Variants in ELMO1 observed in about 807,000 individuals in gnomAD.
ELMO1 encodes engulfment and cell motility protein 1.
ELMO1 carries 26 observed loss-of-function variants against 98.9 expected under a neutral mutation model. The ratio of observed to expected loss-of-function variants is 0.26; its 90% CI spans 0.19 to 0.36. The LOEUF (loss-of-function observed/expected upper bound fraction) is 0.36. ELMO1 is among the 10% of genes least tolerant of loss of function. The pLI is 1.00. For missense variants in ELMO1, 627 were observed against 935.2 expected, an observed-to-expected ratio of 0.67 and a Z score of 4.30; for synonymous variants, 346 against 346.0, an observed-to-expected ratio of 1.00 and a Z score of 0.00.
chr7:36,970,717 C>G lies in ELMO1; in HGVS notation c.1437+42582G>C, dbSNP rs1458286852. On this transcript the variant is annotated intron_variant, in intron 16 of 21. Transcript: ENST00000310758. ...CTCTTCTGAAATAAGAGCACAATAGCTTCCTGTCTTCTCTTTTCCTCAATG... is the reference window on the plus strand; with the variant it reads ...CTCTTCTGAAATAAGAGCACAATAGGTTCCTGTCTTCTCTTTTCCTCAATG... 2.0e-5 allele frequency among the ~76,000 whole-genome samples: 3 copies of G among 152,202 alleles called. No homozygotes were observed. The East Asian group carries it at 5.8e-4, about 29-fold the overall frequency.
intron 1 of ELMO1, among the ~76,000 whole-genome samples, chr7:37,386,455 C>T (rs1190620918): frequency 6.6e-6 from 1 of 151,940 alleles, no homozygotes; most frequent in Non-Finnish European, 1.5e-5. Flanking sequence ...ACAGAGCCTC[C>T]CACAGACCCT....
intron 13 of ELMO1, among the ~76,000 whole-genome samples, chr7:37,152,303 G>A (rs1335132930): frequency 3.3e-5 from 5 of 152,220 alleles, no homozygotes; most frequent in Middle Eastern, 3.4e-3. Flanking sequence ...CCTGGCCCAC[G>A]AACGCTGCCC....
intron 15 of ELMO1, among the ~76,000 whole-genome samples, chr7:37,028,349 T>C (rs1794694383): frequency 6.6e-6 from 1 of 152,218 alleles, no homozygotes; most frequent in Admixed American, 6.5e-5. Context: ...CACTTCTTTT[T>C]TCCTCCGACC....
intron 15 of ELMO1, among the ~76,000 whole-genome samples, chr7:37,019,821 AG>A (rs1315162408): frequency 6.6e-6 from 1 of 152,256 alleles, no homozygotes; most frequent in Non-Finnish European, 1.5e-5. Flanking sequence ...TGGTTTTTTA[AG>A]TCTGGAATAT....
chr7:37,216,748 C>A (rs1331675081), intron 10 of ELMO1, 53 bp from the exon 11 acceptor site: 1 of 1,602,734 alleles, frequency 6.2e-7, no homozygotes, highest in Non-Finnish European at 8.5e-7. Flanking sequence ...AGCTACATTT[C>A]GACATGGCCA....
At chr7:37,204,676 G>A (rs536653064) in intron 13 of ELMO1, among the ~76,000 whole-genome samples, 13 of 152,314 alleles carry the variant, frequency 8.5e-5, no homozygotes, top group African/African-American at 2.4e-4. Context: ...TAAAGAGAGC[G>A]CATTGGTCCA....
At chr7:37,241,099 G>A (rs941924939) in intron 7 of ELMO1, among the ~76,000 whole-genome samples, 2 of 151,862 alleles carry the variant, frequency 1.3e-5, no homozygotes, top group African/African-American at 4.8e-5. Flanking sequence ...TTTCTCCTTA[G>A]TAGTCAGTGT....
At chr7:36,977,365 C>A (rs1277096529) in intron 16 of ELMO1, among the ~76,000 whole-genome samples, 1 of 152,210 alleles carries the variant, frequency 6.6e-6, no homozygotes, top group Non-Finnish European at 1.5e-5. Flanking sequence ...TGACATTGGT[C>A]TGGCCTTGAA....
chr7:37,414,517 T>C (rs1618858), intron 1 of ELMO1, among the ~76,000 whole-genome samples: 40,681 of 152,154 alleles, frequency 0.27, 5,760 homozygotes, highest in Non-Finnish European at 0.32. Context: ...TTAAAAATTA[T>C]CTAATGTTTG....
At chr7:37,131,617 CAAAA>C (rs890889590) in intron 14 of ELMO1, among the ~76,000 whole-genome samples, 4 of 152,234 alleles carry the variant, frequency 2.6e-5, no homozygotes, top group African/African-American at 9.6e-5. Context: ...CATGGTATCT[CAAAA>C]ATATTAATTT....
chr7:37,249,035 G>C (rs527786959), intron 6 of ELMO1, among the ~76,000 whole-genome samples: 1 of 152,322 alleles, frequency 6.6e-6, no homozygotes, highest in East Asian at 1.9e-4. Flanking sequence ...TGAGGAGTAT[G>C]GTTCAGCCCT....
chr7:36,943,614 G>T (rs1787231302), intron 16 of ELMO1, among the ~76,000 whole-genome samples: 1 of 152,216 alleles, frequency 6.6e-6, no homozygotes, highest in South Asian at 2.1e-4. Context: ...AAGTTTGAAT[G>T]AATGAGTAAC....
chr7:37,381,953 A>G (rs75285853), intron 1 of ELMO1, among the ~76,000 whole-genome samples: 5,255 of 152,276 alleles, frequency 0.035, 322 homozygotes, highest in African/African-American at 0.12. Context: ...GCCAAAAAGA[A>G]AAAGAAAAAA....
rs1212734749 is a variant in ELMO1, at chr7:36,854,560, C to T, written c.*991G>A. 3 of 147,126 alleles carry T rather than the reference C, an allele frequency of 2.0e-5. No individual in the cohort carries two copies. Among genetic ancestry groups the T allele is most frequent in the Admixed American group, 6.7e-5 (1 of 14,894 alleles). The allele number at this position is 147,126 out of a possible 1,614,324, so 9.1% of individuals were successfully genotyped here. ...AAGCAAAAAAAAAAAAAAAAACTAA[C>T]CCAAAACTCTTGCAAATTGTAAATA... On this transcript the variant is annotated 3_prime_UTR_variant, in exon 22 of 22. Transcript: ENST00000310758.
chr7:37,125,438 A>G (rs895035702), intron 14 of ELMO1, among the ~76,000 whole-genome samples: 1 of 152,252 alleles, frequency 6.6e-6, no homozygotes, highest in Non-Finnish European at 1.5e-5. Context: ...ACAAATTTAC[A>G]AGAAAAAATC....
intron 1 of ELMO1, chr7:37,435,105 G>C (rs990236967): frequency 6.6e-6 from 1 of 152,242 alleles, no homozygotes; most frequent in African/African-American, 2.4e-5. Flanking sequence ...ATTAACAAAT[G>C]AATATTTCCG....
chr7:37,344,190 T>A (rs768321772), intron 1 of ELMO1, among the ~76,000 whole-genome samples: 4 of 151,712 alleles, frequency 2.6e-5, no homozygotes, highest in South Asian at 4.2e-4. Flanking sequence ...CACCACCACA[T>A]CCGGCTAACT....
chr7:37,389,424 G>C (rs1315124700), intron 1 of ELMO1, among the ~76,000 whole-genome samples: 1 of 152,170 alleles, frequency 6.6e-6, no homozygotes, highest in East Asian at 1.9e-4. Context: ...GTTTTTAAAA[G>C]TCTATTTTAA....
At chr7:37,108,631 C>T (rs1239065846) in intron 14 of ELMO1, among the ~76,000 whole-genome samples, 1 of 152,188 alleles carries the variant, frequency 6.6e-6, no homozygotes. Context: ...CCATTTTATG[C>T]CCCCAAATTA....
Sources: gnomAD v4.1 joint callset for allele counts (sites outside exome capture counted in the v4.1 genomes callset) on GRCh38, gnomAD v4.1.1 for gene constraint, MANE v1.5 for transcripts, NCBI Gene and HGNC (gene_info 2026-07-23, HGNC 2026-07-21) for gene names.